ODF2: variants seen among roughly 807,000 people sequenced by gnomAD.
ODF2 encodes the protein outer dense fiber of sperm tails 2, also known as outer dense fiber protein 2.
Under a neutral mutation model 110.2 loss-of-function variants are expected in ODF2, and 47 were observed. The ratio of observed to expected loss-of-function variants is 0.43; its 90% CI spans 0.34 to 0.54. The LOEUF (loss-of-function observed/expected upper bound fraction) is 0.54, where lower values mean the gene tolerates loss of function less well. Ranked by LOEUF, ODF2 falls within the 20% of genes least tolerant of loss-of-function variation. The probability of loss-of-function intolerance (pLI) is 0.03; values close to 1 mark genes in which losing one functional copy is unlikely to be tolerated. For synonymous variants in ODF2, 352 were observed against 397.7 expected, an observed-to-expected ratio of 0.89 and a Z score of 1.37; for missense variants, 812 against 1,054.5, an observed-to-expected ratio of 0.77 and a Z score of 3.19.
intron 5 of ODF2, among the ~76,000 whole-genome samples, chr9:128,470,002 A>T (rs1839348878): frequency 1.0e-4 from 4 of 39,102 alleles, no homozygotes; most frequent in South Asian, 4.5e-3. Flanking sequence ...AAAAAAAAAA[A>T]AAAAAAAAAA....
rs3924786 is a variant in ODF2 at position 128,485,347 on chromosome 9, T to A, written c.1291-18T>A. 325,481 of 1,446,720 alleles carry A rather than the reference T, an allele frequency of 0.22. 40,702 individuals carry two copies. Among genetic ancestry groups the A allele is most frequent in the African/African-American group, 0.46 (32,780 of 71,514 alleles). 89.6% of individuals were successfully genotyped at this position (1,446,720 alleles called of 1,614,324 possible). ...CACTGACACTAGGCTAACAGGCCCT[T>A]TTGTCCCGTGTTCCCAGGATCTTTA... On this transcript the variant is annotated intron_variant, in intron 12 of 20. Coordinates refer to ENST00000604420, the Ensembl canonical transcript of ODF2. This position sits in a 1 kb window ranked among gnomAD's most constrained non-coding sequence, Gnocchi z 5.0.
chr9:128,481,023 C>T (rs1842295473), intron 8 of ODF2, among the ~76,000 whole-genome samples: 2 of 151,964 alleles, frequency 1.3e-5, no homozygotes, highest in South Asian at 4.1e-4. Context: ...TACAGTATTT[C>T]TCTGTAGATG....
chr9:128,498,911 C>T (rs1846093889), intron 19 of ODF2, 90 bp from the exon 20 acceptor site: 2 of 1,544,118 alleles, frequency 1.3e-6, no homozygotes, highest in Non-Finnish European at 8.9e-7. Context: ...GTGCTGTCTG[C>T]AAGACCAGAT....
chr9:128,463,970 G>A (rs767678416), intron 4 of ODF2, among the ~76,000 whole-genome samples: 15 of 151,634 alleles, frequency 9.9e-5, no homozygotes, highest in African/African-American at 3.6e-4. Context: ...TCAGCTTCCC[G>A]AGTAGCTGGG....
exon 4 of ODF2, chr9:128,460,955 G>A (rs369788590): frequency 6.8e-6 from 11 of 1,614,074 alleles, no homozygotes; most frequent in East Asian, 2.2e-5. Context: ...TCTCACAAGC[G>A]AGGAATGAAA....
chr9:128,497,463 A>ATATATATATATATATATATGTATG (rs1845840224), intron 18 of ODF2: 1 of 102,112 alleles, frequency 9.8e-6, no homozygotes, highest in Non-Finnish European at 1.9e-5. Flanking sequence ...ATATATATAT[A>ATATATATATATATATATATGTATG]TATATATATA....
exon 14 of ODF2, chr9:128,488,011 A>T (rs1401502881): frequency 6.8e-6 from 11 of 1,613,822 alleles, no homozygotes; most frequent in Non-Finnish European, 9.3e-6. Context: ...CAAGCTGGAG[A>T]ATGAGAGGCT....
At chr9:128,473,237 C>T (rs908983816) in intron 7 of ODF2, 195 bp downstream of exon 7, 2 of 985,194 alleles carry the variant, frequency 2.0e-6, no homozygotes, top group Admixed American at 6.2e-5. Flanking sequence ...CTCTGGTCAC[C>T]AGGGCCTCTG....
rs761324883 is a variant in ODF2, at chr9:128,496,008, T to A, written c.1912-33T>A. On this transcript the variant is annotated intron_variant, in intron 17 of 20. Transcript: ENST00000604420. ...GGGGAGGGCTCTAGCGGGAAATTCCTTTGTAAACCAGTCTGTGTTCCTGTC... is the reference window on the plus strand; with the variant it reads ...GGGGAGGGCTCTAGCGGGAAATTCCATTGTAAACCAGTCTGTGTTCCTGTC... The A allele has an allele frequency of 4.3e-6, 7 of 1,612,260 alleles. No homozygotes were observed. The South Asian group carries it at 6.6e-5, about 15-fold the overall frequency.
intron 1 of ODF2, chr9:128,456,762 G>C: frequency 1.0e-6 from 1 of 957,702 alleles, no homozygotes; most frequent in Non-Finnish European, 1.2e-6. Flanking sequence ...GCCCGGCGGG[G>C]GGGGGTCCCG....
rs1388853465 is a variant in ODF2, at chr9:128,488,035, G to A, written c.1536+10G>A. ...GAATGAGAGGCTGAAGGTTCGCAGTGAGAGCTGGGGACCAGGCAGCTGGAT... is the reference window on the plus strand; with the variant it reads ...GAATGAGAGGCTGAAGGTTCGCAGTAAGAGCTGGGGACCAGGCAGCTGGAT... On this transcript the variant is annotated intron_variant, in intron 14 of 20. Coordinates refer to ENST00000604420, the Ensembl canonical transcript of ODF2. 2 of 1,613,360 alleles carry A rather than the reference G, an allele frequency of 1.2e-6. No homozygotes were observed. Among genetic ancestry groups the A allele is most frequent in the Non-Finnish European group, 1.7e-6 (2 of 1,179,754 alleles).
intron 4 of ODF2, among the ~76,000 whole-genome samples, chr9:128,463,437 G>A (rs1371505849): frequency 2.0e-5 from 3 of 152,168 alleles, no homozygotes; most frequent in Non-Finnish European, 4.4e-5. Flanking sequence ...TGGGCAACAC[G>A]ACGAGACCCT....
intron 18 of ODF2, chr9:128,496,377 C>G: frequency 1.5e-6 from 2 of 1,352,752 alleles, no homozygotes; most frequent in South Asian, 2.6e-5. Flanking sequence ...ATCTGCCCAC[C>G]TGTAGGCACC....
intron 4 of ODF2, among the ~76,000 whole-genome samples, chr9:128,463,079 A>ATT (rs1836923045): frequency 6.6e-6 from 1 of 152,120 alleles, no homozygotes; most frequent in African/African-American, 2.4e-5. Context: ...CCTGGGCAAC[A>ATT]TAGTGAGATC....
intron 4 of ODF2, among the ~76,000 whole-genome samples, chr9:128,466,867 C>T (rs1425551802): frequency 6.8e-6 from 1 of 146,060 alleles, no homozygotes; most frequent in Non-Finnish European, 1.5e-5. Flanking sequence ...GTCTCAGCTA[C>T]TCGGGAGGCT....
rs1842905207 is a variant in ODF2, at chr9:128,483,935, C to T, written c.988-3C>T. The T allele has an allele frequency of 1.2e-6, 2 of 1,605,712 alleles. No individual in the cohort carries two copies. Among genetic ancestry groups the T allele is most frequent in the Non-Finnish European group, 1.7e-6 (2 of 1,172,688 alleles). On this transcript the variant is annotated splice_region_variant and splice_polypyrimidine_tract_variant and intron_variant, in intron 10 of 20. Coordinates refer to ENST00000604420, the Ensembl canonical transcript of ODF2. Reference sequence around the variant, plus strand: ...CTCCATCACTTTTTCCGTCTCTCCACAGGCTCAAGCAAAGACAGCCTCTGA... The same window carrying T: ...CTCCATCACTTTTTCCGTCTCTCCATAGGCTCAAGCAAAGACAGCCTCTGA...
chr9:128,481,547 T>G, intron 8 of ODF2, 33 bp from the exon 9 acceptor site: 5 of 1,550,920 alleles, frequency 3.2e-6, no homozygotes, highest in Non-Finnish European at 4.4e-6. Flanking sequence ...TATTGCTTAA[T>G]GACTTGACTT....
rs1202402735 is a variant in ODF2 at position 128,494,250 on chromosome 9, C to T, written c.1753-260C>T. Among the ~76,000 whole-genome samples the T allele has an allele frequency of 6.6e-6, 1 of 152,180 alleles. No individual in the cohort carries two copies. The highest frequency in any genetic ancestry group is 1.9e-4 in the East Asian group (1 of 5,200). On this transcript the variant is annotated intron_variant, in intron 16 of 20. Transcript: ENST00000604420. The surrounding 1 kb of genome is among the most constrained non-coding windows in gnomAD (Gnocchi z 4.6). ...ATTAAATGAGCAAGTGTGCAGAGAG[C>T]CCCTGGTACAATGCCTGGGTCTTGG...
chr9:128,463,283 TATG>T (rs1441849725), intron 4 of ODF2, among the ~76,000 whole-genome samples: 1 of 151,664 alleles, frequency 6.6e-6, no homozygotes, highest in East Asian at 1.9e-4. Flanking sequence ...AAAAGAGAAA[TATG>T]ATACATCCAT....
Sources: allele counts gnomAD v4.1 joint callset (sites outside exome capture counted in the v4.1 genomes callset), GRCh38; gene constraint gnomAD v4.1.1; non-coding constraint Gnocchi (gnomAD v3.1); transcripts MANE v1.5; gene names NCBI Gene and HGNC (gene_info 2026-07-23, HGNC 2026-07-21).